TLR1: variants seen among roughly 807,000 people sequenced by gnomAD.
TLR1 encodes the protein toll like receptor 1, also known as toll-like receptor 1.
Under a neutral mutation model 20.2 loss-of-function variants are expected in TLR1, and 19 were observed. The ratio of observed to expected loss-of-function variants is 0.94; its 90% CI spans 0.66 to 1.38. The LOEUF (loss-of-function observed/expected upper bound fraction) is 1.38. TLR1 is among the 40% of genes most tolerant of loss of function. The pLI is 0.00. For synonymous variants in TLR1, 320 were observed against 334.5 expected (o/e 0.96, Z 0.47); for missense variants, 921 against 910.0 (o/e 1.01, Z -0.16).
At chr4:38,804,033 CA>C (rs1726854895) in intron 2 of TLR1, among the ~76,000 whole-genome samples, 1 of 152,204 alleles carries the variant, frequency 6.6e-6, no homozygotes, top group African/African-American at 2.4e-5. Flanking sequence ...GCCTTCTCTG[CA>C]CAAGACCAAA....
chr4:38,789,985 C>T (rs1027136294), downstream of TLR1, among the ~76,000 whole-genome samples: 2 of 152,146 alleles, frequency 1.3e-5, no homozygotes, highest in Non-Finnish European at 2.9e-5. Flanking sequence ...GTTTTCAATG[C>T]TTCTATGATA....
In TLR1 at chr4:38,800,916, G is replaced by T. The variant is rs548319737; in HGVS notation, c.-127C>A. 1.3e-5 allele frequency: 2 copies of T among 152,678 alleles called. No individual in the cohort carries two copies. Among genetic ancestry groups the T allele is most frequent in the South Asian group, 4.2e-4 (2 of 4,816 alleles). 9.5% of individuals were successfully genotyped at this position (152,678 alleles called of 1,614,324 possible). A position where few individuals can be genotyped will look rare whatever the true frequency, so the allele number is the denominator to read the frequency against. ...CCTGATTTCTTCTAACGAGGAAGAG[G>T]GCCTGGTACCCCTATTAGTGTTCAT... On this transcript the variant is annotated 5_prime_UTR_variant, in exon 3 of 4. Coordinates refer to ENST00000308979, the MANE Select transcript of TLR1 (RefSeq NM_003263.4).
At chr4:38,795,723 A>AT (rs1050854820), downstream of TLR1, among the ~76,000 whole-genome samples, 4 of 152,242 alleles carry the variant, frequency 2.6e-5, no homozygotes, top group Admixed American at 1.3e-4. Context: ...ACATGGAGGA[A>AT]TAAGTAAGTG....
downstream of TLR1, among the ~76,000 whole-genome samples, chr4:38,793,756 A>G (rs1725860189): frequency 6.6e-6 from 1 of 152,130 alleles, no homozygotes; most frequent in African/African-American, 2.4e-5. Context: ...GAAAATTCAT[A>G]TGTTGAAGTC....
downstream of TLR1, among the ~76,000 whole-genome samples, chr4:38,792,853 T>TTTTATATATATATATATATA (rs150259151): frequency 3.5e-4 from 43 of 122,248 alleles, no homozygotes; most frequent in South Asian, 2.1e-3. Context: ...TATTTTCAAA[T>TTTTATATATATATATATATA]TATATATATA....
At chr4:38,791,247 T>C (rs1014921811) in intron 3 of TLR1, 12 of 152,118 alleles carry the variant, frequency 7.9e-5, no homozygotes, top group African/African-American at 2.9e-4. Flanking sequence ...AACACAGGGG[T>C]TGGGGACTTG....
chr4:38,803,711 C>T (rs1194431518), intron 2 of TLR1, among the ~76,000 whole-genome samples: 1 of 152,182 alleles, frequency 6.6e-6, no homozygotes, highest in South Asian at 2.1e-4. Context: ...TTTTGATCAA[C>T]GTCTTAATGA....
At position 38,796,500 on chromosome 4, in the gene TLR1, T is replaced by C. The variant is rs371529271; in HGVS notation, c.2332A>G (p.Ile778Val). The C allele has an allele frequency of 6.2e-7, 1 of 1,612,426 alleles. No individual in the cohort carries two copies. Among genetic ancestry groups the C allele is most frequent in the Non-Finnish European group, 8.5e-7 (1 of 1,178,498 alleles). Reference protein sequence around the residue: ...FWANLRAAINIKLTEQAKK With the variant: ...FWANLRAAINVKLTEQAKK ...TTCTTTGCTTGCTCTGTCAGCTTAATATTAATGGCTGCCCTTAAGTTAGCC... is the reference window on the plus strand; with the variant it reads ...TTCTTTGCTTGCTCTGTCAGCTTAACATTAATGGCTGCCCTTAAGTTAGCC... The change falls in exon 4 of 4, where the codon ATT (isoleucine) becomes GTT (valine). Residue 778 changes from isoleucine to valine, a missense_variant. Coordinates refer to ENST00000308979, the MANE Select transcript of TLR1 (RefSeq NM_003263.4).
chr4:38,796,103 T>G (rs1199420754), downstream of TLR1, among the ~76,000 whole-genome samples: 10 of 152,192 alleles, frequency 6.6e-5, 1 homozygote, highest in Admixed American at 6.5e-4. Context: ...AGAAATCTGC[T>G]ATACAAACCC....
intron 3 of TLR1, among the ~76,000 whole-genome samples, chr4:38,799,805 T>C (rs902771010): frequency 6.6e-6 from 1 of 152,230 alleles, no homozygotes; most frequent in Non-Finnish European, 1.5e-5. Context: ...AAAAGGCCTC[T>C]CAGAAGATCC....
At chr4:38,794,115 C>T (rs937083317), downstream of TLR1, among the ~76,000 whole-genome samples, 1 of 152,106 alleles carries the variant, frequency 6.6e-6, no homozygotes, top group Non-Finnish European at 1.5e-5. Context: ...TTTAGGCCAC[C>T]CAGCTTGTTA....
At chr4:38,798,999 A>G (rs1271639123) in intron 3 of TLR1, 101 bp from the exon 4 acceptor site, 4 of 574,088 alleles carry the variant, frequency 7.0e-6, no homozygotes, top group Non-Finnish European at 6.0e-6. Flanking sequence ...TTACAGACTT[A>G]TAAAGTGGAG....
Position 38,797,887 on chromosome 4 carries a change from C to A in TLR1, c.945G>T (p.Pro315=), listed in dbSNP as rs185747096. The A allele has an allele frequency of 6.2e-7, 1 of 1,613,732 alleles. No homozygotes were observed. Among genetic ancestry groups the A allele is most frequent in the Non-Finnish European group, 8.5e-7 (1 of 1,179,810 alleles). The change falls in exon 4 of 4, where the codon CCG becomes CCT. Residue 315 remains proline, a synonymous_variant. Transcript: ENST00000308979. ...HQVVSDVFGF[P]QSYIYEIFSN... ...AAAAGATTTCATAGATATAACTTTG[C>A]GGAAAACCGAACACATCGCTGACAA... is the stretch of plus-strand genomic sequence containing the variant.
At position 38,797,699 on chromosome 4, in the gene TLR1, A is replaced by G; in HGVS notation, c.1133T>C (p.Ile378Thr). 6.2e-7 allele frequency: 1 copy of G among 1,613,972 alleles called. No individual in the cohort carries two copies. The highest frequency in any genetic ancestry group is 1.1e-5 in the South Asian group (1 of 91,062). ...TTCTTTTAATTGATTCATTTGTAAAATAAGTGTCTCCAACTCAGTAAGGTG... is the reference window on the plus strand; with the variant it reads ...TTCTTTTAATTGATTCATTTGTAAAGTAAGTGTCTCCAACTCAGTAAGGTG... ...CGHLTELETLILQMNQLKELS... is the reference protein window; with the variant it reads ...CGHLTELETLTLQMNQLKELS... The change falls in exon 4 of 4, where the codon ATT becomes ACT. Residue 378 changes from isoleucine (I) to threonine (T), a missense_variant. By Grantham distance (89) the Ile-to-Thr change is moderately conservative. Coordinates refer to ENST00000308979, the MANE Select transcript of TLR1 (RefSeq NM_003263.4).
At chr4:38,803,438 A>G (rs1241235846) in intron 2 of TLR1, among the ~76,000 whole-genome samples, 2 of 152,242 alleles carry the variant, frequency 1.3e-5, no homozygotes, top group Non-Finnish European at 2.9e-5. Flanking sequence ...CATTTAATGA[A>G]AGCATAGCTT....
chr4:38,799,024 G>T (rs1560461248), intron 3 of TLR1, 126 bp from the exon 4 acceptor site: 1 of 495,366 alleles, frequency 2.0e-6, no homozygotes, highest in Non-Finnish European at 3.6e-6. Flanking sequence ...CATTCTTTTG[G>T]GTTACATGGC....
downstream of TLR1, among the ~76,000 whole-genome samples, chr4:38,790,373 A>G (rs1341601183): frequency 6.6e-6 from 1 of 152,168 alleles, no homozygotes; most frequent in African/African-American, 2.4e-5. Context: ...GTTGCAAATG[A>G]TTTTTCTATA....
downstream of TLR1, among the ~76,000 whole-genome samples, chr4:38,790,441 A>G (rs138031784): frequency 6.6e-5 from 10 of 152,312 alleles, 1 homozygote; most frequent in African/African-American, 2.4e-4. Flanking sequence ...TGAGAGATGC[A>G]TGGTTATTCT....
At chr4:38,795,869 T>C (rs371506204), downstream of TLR1, among the ~76,000 whole-genome samples, 6 of 152,298 alleles carry the variant, frequency 3.9e-5, no homozygotes, top group African/African-American at 1.4e-4. Context: ...TCTCAAAAAA[T>C]GAGTGAGAAA....
Sources: allele counts gnomAD v4.1 joint callset (sites outside exome capture counted in the v4.1 genomes callset), GRCh38; gene constraint gnomAD v4.1.1; transcripts MANE v1.5; gene names NCBI Gene and HGNC (gene_info 2026-07-23, HGNC 2026-07-21).